Variants in CTNNA2 observed in about 807,000 individuals in gnomAD.
CTNNA2 encodes catenin alpha-2.
A neutral mutation model predicts 101.0 loss-of-function variants in CTNNA2; 42 were observed. The ratio of observed to expected loss-of-function variants is 0.42; its 90% CI spans 0.32 to 0.54. The LOEUF is 0.54. Among genes scored for constraint, CTNNA2 ranks in the 20% least tolerant of loss-of-function variants. The pLI is 0.14. For missense variants in CTNNA2, 871 were observed against 1,223.1 expected (o/e 0.71, Z 4.29); for synonymous variants, 450 against 456.4 (o/e 0.99, Z 0.18).
chr2:79,304,090 T>C (rs1412198427), intron 2 of CTNNA2, among the ~76,000 whole-genome samples: 1 of 152,074 alleles, frequency 6.6e-6, no homozygotes, highest in South Asian at 2.1e-4. Flanking sequence ...TCAAGTAGCA[T>C]GTATCTAGCT....
At chr2:79,822,866 G>A (rs1245281888) in intron 3 of CTNNA2, among the ~76,000 whole-genome samples, 1 of 152,084 alleles carries the variant, frequency 6.6e-6, no homozygotes, top group Non-Finnish European at 1.5e-5. Flanking sequence ...TGATCTGCCT[G>A]CTCTCCCTCC....
chr2:80,624,576 G>T (rs1237756718), intron 18 of CTNNA2, among the ~76,000 whole-genome samples: 1 of 151,932 alleles, frequency 6.6e-6, no homozygotes, highest in Non-Finnish European at 1.5e-5. Context: ...CAGCAACAAG[G>T]ATTGATTCTA....
At chr2:80,215,695 G>C (rs922323461) in intron 7 of CTNNA2, among the ~76,000 whole-genome samples, 1 of 152,168 alleles carries the variant, frequency 6.6e-6, no homozygotes, top group Non-Finnish European at 1.5e-5. Flanking sequence ...TTGCAATTTG[G>C]CTACTCAAGG....
chr2:79,411,705 TG>T (rs1678413102), intron 4 of CTNNA2, among the ~76,000 whole-genome samples: 1 of 152,102 alleles, frequency 6.6e-6, no homozygotes, highest in African/African-American at 2.4e-5. Flanking sequence ...TGAGAGATTT[TG>T]TCACCACCAG....
At chr2:79,938,143 C>G (rs185226390) in intron 7 of CTNNA2, among the ~76,000 whole-genome samples, 1 of 152,286 alleles carries the variant, frequency 6.6e-6, no homozygotes, top group African/African-American at 2.4e-5. Flanking sequence ...CATCTCCCAA[C>G]CAAGGAGGAG....
chr2:79,515,999 A>G (rs903107143), intron 1 of CTNNA2, among the ~76,000 whole-genome samples: 1 of 152,184 alleles, frequency 6.6e-6, no homozygotes, highest in African/African-American at 2.4e-5. Flanking sequence ...CTTTGACCTC[A>G]GCTTACAGTC....
At chr2:79,435,762 C>A (rs1678705928) in intron 4 of CTNNA2, among the ~76,000 whole-genome samples, 1 of 151,964 alleles carries the variant, frequency 6.6e-6, no homozygotes, top group African/African-American at 2.4e-5. Flanking sequence ...GGGTAGGCAG[C>A]AGTGACGGAG....
intron 4 of CTNNA2, among the ~76,000 whole-genome samples, chr2:79,475,563 T>G (rs2104551130): frequency 6.6e-6 from 1 of 152,292 alleles, no homozygotes; most frequent in Admixed American, 6.5e-5. Context: ...AAATTCCAAA[T>G]GAATATGTAC....
At chr2:80,219,834 TC>T (rs2149051938) in intron 7 of CTNNA2, among the ~76,000 whole-genome samples, 1 of 152,328 alleles carries the variant, frequency 6.6e-6, no homozygotes, top group African/African-American at 2.4e-5. Context: ...TTATTTTCTC[TC>T]CATTTAACAT....
chr2:79,332,266 C>T (rs1434664094), intron 3 of CTNNA2, among the ~76,000 whole-genome samples: 1 of 149,308 alleles, frequency 6.7e-6, no homozygotes, highest in East Asian at 2.0e-4. Context: ...ATATTTTAAC[C>T]TCAGAGGCAA....
chr2:80,309,127 G>A (rs13410747), intron 7 of CTNNA2, among the ~76,000 whole-genome samples: 26,340 of 151,868 alleles, frequency 0.17, 2,853 homozygotes, highest in African/African-American at 0.31. Flanking sequence ...GAGAGAGAGA[G>A]AAAGAAAAGA....
intron 7 of CTNNA2, among the ~76,000 whole-genome samples, chr2:80,263,091 G>A (rs974232180): frequency 1.3e-5 from 2 of 152,050 alleles, no homozygotes; most frequent in African/African-American, 4.8e-5. Flanking sequence ...GGGCATGGGG[G>A]GTAGGGTGTG....
In CTNNA2 at chr2:79,857,809, C is replaced by T. The variant is rs113908432; in HGVS notation, c.299-204C>T. On this transcript the variant is annotated intron_variant, in intron 3 of 18. Transcript: ENST00000402739. Reference sequence around the variant, plus strand: ...ACTTCATACTTCAGTGTGAAATGAGCACCTTGTTTGGTCCACAGCACTTGT... The same window carrying T: ...ACTTCATACTTCAGTGTGAAATGAGTACCTTGTTTGGTCCACAGCACTTGT... Among the ~76,000 whole-genome samples the T allele has an allele frequency of 1.4e-3, 206 of 152,280 alleles. 1 individual carries two copies. Among genetic ancestry groups the T allele is most frequent in the African/African-American group, 4.5e-3 (188 of 41,550 alleles).
Position 79,253,405 on chromosome 2 carries a change from G to A in CTNNA2, c.-406+55329G>A, listed in dbSNP as rs138610969. Reference sequence around the variant, plus strand: ...ACAAGAAATAGATGTGCAGGGAAAGGCTACTGTTTGTTTTCTCTCACTGGT... The same window carrying A: ...ACAAGAAATAGATGTGCAGGGAAAGACTACTGTTTGTTTTCTCTCACTGGT... On this transcript the variant is annotated intron_variant, in intron 2 of 21. Transcript: ENST00000466387. Among the ~76,000 whole-genome samples, 334 of 152,238 alleles carry A rather than the reference G, an allele frequency of 2.2e-3. 1 individual carries two copies. The highest frequency in any genetic ancestry group is 7.3e-3 in the African/African-American group (303 of 41,528).
chr2:80,378,553 CAAATGCATCA>C (rs1676204130), intron 7 of CTNNA2: 1 of 151,900 alleles, frequency 6.6e-6, no homozygotes, highest in Non-Finnish European at 1.5e-5. Flanking sequence ...ATATGATTAA[CAAATGCATCA>C]TCAGCAGTTT....
chr2:80,519,332 A>C (rs1689343160), intron 9 of CTNNA2, among the ~76,000 whole-genome samples: 1 of 152,198 alleles, frequency 6.6e-6, no homozygotes, highest in South Asian at 2.1e-4. Context: ...CGCATTGCCA[A>C]ATCCAGACCG....
chr2:79,908,399 T>G (rs1057065465), intron 6 of CTNNA2, among the ~76,000 whole-genome samples: 3 of 152,164 alleles, frequency 2.0e-5, no homozygotes, highest in Non-Finnish European at 4.4e-5. Flanking sequence ...TGGAAGACCA[T>G]TTGCCCCATC....
chr2:79,935,414 G>A (rs13012939), intron 7 of CTNNA2, among the ~76,000 whole-genome samples: 30,189 of 150,564 alleles, frequency 0.2, 3,540 homozygotes, highest in Non-Finnish European at 0.27. Flanking sequence ...TTGCAGAAAA[G>A]TACAAAGAAC....
intron 7 of CTNNA2, among the ~76,000 whole-genome samples, chr2:80,216,460 A>G (rs1027432625): frequency 3.3e-5 from 5 of 152,248 alleles, no homozygotes; most frequent in African/African-American, 1.2e-4. Context: ...CAAAATTCAT[A>G]TGTTGAAACT....
Sources: gnomAD v4.1 joint callset for allele counts (sites outside exome capture counted in the v4.1 genomes callset) on GRCh38, gnomAD v4.1.1 for gene constraint, MANE v1.5 for transcripts, NCBI Gene and HGNC (gene_info 2026-07-23, HGNC 2026-07-21) for gene names.